FASTKD1: variants seen among roughly 807,000 people sequenced by gnomAD.
FASTKD1 encodes the protein FAST kinase domain-containing protein 1, mitochondrial.
Under a neutral mutation model 90.9 loss-of-function variants are expected in FASTKD1, and 94 were observed. The observed-to-expected ratio is 1.03, with a 90% CI of 0.88 to 1.23. The LOEUF (loss-of-function observed/expected upper bound fraction) is 1.23, where lower values mean the gene tolerates loss of function less well. Among genes scored for constraint, FASTKD1 ranks in the 50% most tolerant of loss-of-function variants. FASTKD1 has a pLI of 0.00. For synonymous variants in FASTKD1, 319 were observed against 345.8 expected, an observed-to-expected ratio of 0.92 and a Z score of 0.86; for missense variants, 945 against 993.5, an observed-to-expected ratio of 0.95 and a Z score of 0.66.
intron 9 of FASTKD1, among the ~76,000 whole-genome samples, chr2:169,542,931 T>C (rs1685019755): frequency 6.6e-6 from 1 of 152,206 alleles, no homozygotes; most frequent in Admixed American, 6.5e-5. Flanking sequence ...ATATAAGGTA[T>C]ACAGCACTAC....
chr2:169,570,241 T>C (rs1044479926), intron 2 of FASTKD1, among the ~76,000 whole-genome samples: 1 of 152,220 alleles, frequency 6.6e-6, no homozygotes, highest in Non-Finnish European at 1.5e-5. Context: ...TTTTCCCCCT[T>C]GTACAACTGC....
chr2:169,565,487 C>A (rs1683932640), intron 3 of FASTKD1, among the ~76,000 whole-genome samples: 1 of 151,800 alleles, frequency 6.6e-6, no homozygotes, highest in Non-Finnish European at 1.5e-5. Context: ...TGGTCTCGAT[C>A]TCCTGACCTC....
chr2:169,531,598 C>T, intron 12 of FASTKD1, 108 bp from the exon 13 acceptor site: 1 of 838,710 alleles, frequency 1.2e-6, no homozygotes, highest in Non-Finnish European at 1.8e-6. Context: ...CACACACACA[C>T]TCACAAAAGA....
intron 1 of FASTKD1, chr2:169,573,355 G>A (rs1008761704): frequency 6.6e-6 from 1 of 152,204 alleles, no homozygotes; most frequent in African/African-American, 2.4e-5. Flanking sequence ...TGCTCAAAGT[G>A]GAGGCAGCTC....
chr2:169,558,816 C>T (rs1023108075), intron 5 of FASTKD1, among the ~76,000 whole-genome samples: 5 of 151,644 alleles, frequency 3.3e-5, no homozygotes, highest in African/African-American at 9.7e-5. Context: ...CTCAAACTCC[C>T]GACTTCAAGT....
chr2:169,537,141 C>A, intron 12 of FASTKD1, 86 bp downstream of exon 12: 3 of 836,804 alleles, frequency 3.6e-6, no homozygotes, highest in Non-Finnish European at 3.8e-6. Flanking sequence ...ATTCAAAAAA[C>A]TTTAAAAAAT....
intron 9 of FASTKD1, among the ~76,000 whole-genome samples, chr2:169,543,647 T>C (rs2105354657): frequency 6.6e-6 from 1 of 152,334 alleles, no homozygotes; most frequent in East Asian, 1.9e-4. Context: ...ATCATACGCA[T>C]ACGCGCTTGT....
At chr2:169,546,980 C>T (rs1048241000) in intron 7 of FASTKD1, among the ~76,000 whole-genome samples, 2 of 152,128 alleles carry the variant, frequency 1.3e-5, no homozygotes, top group African/African-American at 4.8e-5. Context: ...TCAGATCCCA[C>T]AGGTTGGGAA....
intron 6 of FASTKD1, among the ~76,000 whole-genome samples, chr2:169,556,730 CA>C (rs1276921996): frequency 1.3e-5 from 2 of 151,914 alleles, no homozygotes; most frequent in Admixed American, 1.3e-4. Context: ...GAGGCTGAGA[CA>C]GGAGAATCGC....
intron 7 of FASTKD1, among the ~76,000 whole-genome samples, chr2:169,551,202 A>C (rs910233847): frequency 6.6e-6 from 1 of 152,194 alleles, no homozygotes; most frequent in Non-Finnish European, 1.5e-5. Context: ...AGGGATTGGT[A>C]AAACCACTTT....
intron 3 of FASTKD1, among the ~76,000 whole-genome samples, 191 bp from the exon 4 acceptor site, chr2:169,563,541 GA>G (rs543386201): frequency 7.2e-5 from 11 of 152,052 alleles, no homozygotes; most frequent in Non-Finnish European, 1.3e-4. Context: ...TTGAAAGGGG[GA>G]AAATCACTAA....
intron 9 of FASTKD1, 47 bp from the exon 10 acceptor site, chr2:169,540,226 T>C (rs771930725): frequency 1.7e-4 from 241 of 1,437,954 alleles, no homozygotes; most frequent in Middle Eastern, 7.3e-4. Context: ...GCCTCACTTA[T>C]ATATACACTT....
chr2:169,531,588 C>T, intron 12 of FASTKD1, 98 bp from the exon 13 acceptor site: 4 of 838,640 alleles, frequency 4.8e-6, no homozygotes, highest in Non-Finnish European at 7.1e-6. Flanking sequence ...AATATTTGTA[C>T]ACACACACAC....
At chr2:169,567,587 A>G (rs2105436935) in intron 3 of FASTKD1, among the ~76,000 whole-genome samples, 1 of 152,356 alleles carries the variant, frequency 6.6e-6, no homozygotes, top group Middle Eastern at 3.4e-3. Context: ...AGCCCATGTA[A>G]TAAAGGCCTA....
chr2:169,554,625 C>G (rs564726921), intron 7 of FASTKD1, among the ~76,000 whole-genome samples: 2 of 151,132 alleles, frequency 1.3e-5, no homozygotes, highest in Non-Finnish European at 3.0e-5. Flanking sequence ...GATTGCTCCA[C>G]TGCACTCCAG....
At chr2:169,545,168 T>C (rs1203040546) in intron 8 of FASTKD1, among the ~76,000 whole-genome samples, 1 of 152,182 alleles carries the variant, frequency 6.6e-6, no homozygotes, top group East Asian at 1.9e-4. Flanking sequence ...GAGGATTGCT[T>C]GAGGCCAGGA....
chr2:169,534,374 T>C (rs1684627027), intron 12 of FASTKD1, among the ~76,000 whole-genome samples: 1 of 151,538 alleles, frequency 6.6e-6, no homozygotes, highest in South Asian at 2.1e-4. Flanking sequence ...GCTAGGTCCT[T>C]AGTAGATACC....
chr2:169,560,420 A>C lies in FASTKD1; in HGVS notation c.938T>G (p.Leu313Trp). 2 of 1,563,628 alleles carry C rather than the reference A, an allele frequency of 1.3e-6. No individual in the cohort carries two copies. Among genetic ancestry groups the C allele is most frequent in the Non-Finnish European group, 1.7e-6 (2 of 1,163,506 alleles). The change falls in exon 5 of 15, where the codon TTG becomes TGG. Residue 313 changes from leucine to tryptophan, a missense_variant. Physicochemically the swap from Leu to Trp is moderately conservative, Grantham distance 61. Coordinates refer to ENST00000453153, the MANE Select transcript of FASTKD1 (RefSeq NM_024622.6). ...PASFVKLFVA[L>W]GPIAGPEEKK... ...TTCTTCAGGTCCTGCAATGGGTCCC[A>C]ATGCTACAAACAATTTTACAAAGCT...
intron 2 of FASTKD1, 89 bp from the exon 3 acceptor site, chr2:169,569,341 C>T: frequency 8.0e-7 from 1 of 1,253,288 alleles, no homozygotes; most frequent in Non-Finnish European, 1.2e-6. Flanking sequence ...AAAAGTGAAA[C>T]TCAAGTTATT....
Sources: gnomAD v4.1 joint callset for allele counts (sites outside exome capture counted in the v4.1 genomes callset) on GRCh38, gnomAD v4.1.1 for gene constraint, MANE v1.5 for transcripts, NCBI Gene and HGNC (gene_info 2026-07-23, HGNC 2026-07-21) for gene names.